EIF2AK3: variants seen among roughly 807,000 people sequenced by gnomAD.
EIF2AK3 encodes the protein eukaryotic translation initiation factor 2-alpha kinase 3.
A neutral mutation model predicts 113.5 loss-of-function variants in EIF2AK3; 50 were observed. The ratio of observed to expected loss-of-function variants is 0.44; its 90% confidence interval spans 0.35 to 0.56. The LOEUF is 0.56. Among genes scored for constraint, EIF2AK3 ranks in the 20% least tolerant of loss-of-function variants. The pLI, the probability that EIF2AK3 is intolerant of heterozygous loss-of-function variation, is 0.00. For synonymous variants in EIF2AK3, 448 were observed against 495.4 expected, an observed-to-expected ratio of 0.90 and a Z score of 1.27; for missense variants, 1,185 against 1,378.0, an observed-to-expected ratio of 0.86 and a Z score of 2.22.
rs1445926746 is a variant in EIF2AK3, at chr2:88,593,307, A to G, written c.732T>C (p.Thr244=). 1 of 1,614,106 alleles carries G rather than the reference A, an allele frequency of 6.2e-7. No homozygotes were observed. The highest frequency in any genetic ancestry group is 1.1e-5 in the South Asian group (1 of 91,080). The change falls in exon 4 of 17, where the codon ACT becomes ACC. Residue 244 remains threonine, a synonymous_variant. Coordinates refer to ENST00000303236, the MANE Select transcript of EIF2AK3 (RefSeq NM_004836.7). ...CACTGCGAGGTCCGACAGCTCTAACAGTTTTTTGGGTACGCTGTAGAAGCA... is the reference window on the plus strand; with the variant it reads ...CACTGCGAGGTCCGACAGCTCTAACGGTTTTTTGGGTACGCTGTAGAAGCA... ...DILLLQRTQK[T]VRAVGPRSGN...
intron 3 of EIF2AK3, among the ~76,000 whole-genome samples, chr2:88,594,830 T>TA (rs58582485): frequency 0.27 from 30,877 of 114,914 alleles, 4,248 homozygotes; most frequent in East Asian, 0.35. Context: ...TGTCAAAATG[T>TA]AAAAAAAAAA....
chr2:88,569,684 A>T (rs1174465351), intron 14 of EIF2AK3, among the ~76,000 whole-genome samples: 1 of 152,254 alleles, frequency 6.6e-6, no homozygotes, highest in African/African-American at 2.4e-5. Flanking sequence ...AAAAAGATCC[A>T]TTCAAAGTAC....
In EIF2AK3 at chr2:88,600,471, T is replaced by G. The variant is rs141857760; in HGVS notation, c.439-4808A>C. Among the ~76,000 whole-genome samples, 85 of 152,328 alleles carry G rather than the reference T, an allele frequency of 5.6e-4. 1 individual carries two copies. The highest frequency in any genetic ancestry group is 2.0e-3 in the African/African-American group (84 of 41,570). On this transcript the variant is annotated intron_variant, in intron 2 of 16. Transcript: ENST00000303236. ...TCGCTGCTCTGCATCTCAAACTTAT[T>G]GTGTGACTTGCTTCTCCCTTAAGTC...
At position 88,570,956 on chromosome 2, in the gene EIF2AK3, T is replaced by C; in HGVS notation, c.2903A>G (p.Glu968Gly). The change falls in exon 14 of 17, where the codon GAG (glutamate) becomes GGG (glycine). Residue 968 changes from glutamate to glycine, a missense_variant. This residue lies in a region of EIF2AK3 where 877 missense variants were observed against 1,024.2 expected (regional missense o/e 0.86). Transcript: ENST00000303236. ...TGGCATTGGGGTCAGAACCGTCTGC[T>C]CTTCCTCATCCTGGTCCATTGCAGT... Reference protein sequence around the residue: ...LVTAMDQDEEEQTVLTPMPAY... With the variant: ...LVTAMDQDEEGQTVLTPMPAY... The C allele has an allele frequency of 6.2e-7, 1 of 1,614,206 alleles. No homozygotes were observed. The highest frequency in any genetic ancestry group is 8.5e-7 in the Non-Finnish European group (1 of 1,180,028).
chr2:88,627,263 G>C lies in EIF2AK3; in HGVS notation c.12C>G (p.Ala4=). ...CCCGTACCAGCAGCCCCGGGCTGAT[G>C]GCGCGCTCCATCAGCGTCCCGCCCC... is the stretch of plus-strand genomic sequence containing the variant. MER[A]ISPGLLVRAL... is the part of the protein sequence containing the mutation. The change falls in exon 1 of 17, where the codon GCC becomes GCG. Residue 4 remains alanine (A), a synonymous_variant. Coordinates refer to ENST00000303236, the MANE Select transcript of EIF2AK3 (RefSeq NM_004836.7). 1 of 1,487,322 alleles carries C rather than the reference G, an allele frequency of 6.7e-7. No individual in the cohort carries two copies. The highest frequency in any genetic ancestry group is 8.9e-7 in the Non-Finnish European group (1 of 1,124,782). 92.1% of individuals were successfully genotyped at this position (1,487,322 alleles called of 1,614,324 possible).
At chr2:88,625,211 C>CTGTATATATA (rs1675828423) in intron 1 of EIF2AK3, among the ~76,000 whole-genome samples, 1 of 151,530 alleles carries the variant, frequency 6.6e-6, no homozygotes, top group Admixed American at 6.6e-5. Flanking sequence ...ACAGTCGGCT[C>CTGTATATATA]TAACCTATTT....
At chr2:88,586,173 A>G in intron 8 of EIF2AK3, 112 bp from the exon 9 acceptor site, 1 of 821,788 alleles carries the variant, frequency 1.2e-6, no homozygotes, top group Non-Finnish European at 2.0e-6. Flanking sequence ...ATTCCTTTTA[A>G]GTTTTGTCTC....
chr2:88,600,831 GA>G (rs1263930949), intron 2 of EIF2AK3, among the ~76,000 whole-genome samples: 3 of 152,062 alleles, frequency 2.0e-5, no homozygotes, highest in Admixed American at 1.3e-4. Context: ...CTAACCATAA[GA>G]AAAAATGTTT....
At position 88,618,443 on chromosome 2, in the gene EIF2AK3, G is replaced by A. The variant is rs79270952; in HGVS notation, c.309-4590C>T. Reference sequence around the variant, plus strand: ...TCTCATTCTCCTCATGGCTTCATTCGAGTTATTTTTTCATAGGCAAAATAT... The same window carrying A: ...TCTCATTCTCCTCATGGCTTCATTCAAGTTATTTTTTCATAGGCAAAATAT... On this transcript the variant is annotated intron_variant, in intron 1 of 16. Coordinates refer to ENST00000303236, the MANE Select transcript of EIF2AK3 (RefSeq NM_004836.7). Among the ~76,000 whole-genome samples the A allele has an allele frequency of 6.7e-3, 1,018 of 152,236 alleles. 4 individuals carry two copies. Among genetic ancestry groups the A allele is most frequent in the Non-Finnish European group, 0.01 (713 of 68,014 alleles).
At chr2:88,568,222 A>C (rs1674194238) in intron 14 of EIF2AK3, among the ~76,000 whole-genome samples, 1 of 152,212 alleles carries the variant, frequency 6.6e-6, no homozygotes, top group South Asian at 2.1e-4. Flanking sequence ...AAGATAGTCA[A>C]ATCCAGTGGT....
chr2:88,610,709 G>A (rs772171327), intron 2 of EIF2AK3, among the ~76,000 whole-genome samples: 17 of 152,050 alleles, frequency 1.1e-4, no homozygotes, highest in African/African-American at 3.4e-4. Context: ...AAAATGTTAC[G>A]TTATTGTGGA....
chr2:88,627,594 A>C, upstream of EIF2AK3: 1 of 311,658 alleles, frequency 3.2e-6, no homozygotes, highest in East Asian at 5.5e-5. Context: ...TCAACATCGC[A>C]CCTACCAATC....
rs567624628 is a variant in EIF2AK3 at position 88,563,081 on chromosome 2, A to T, written c.2986-691T>A. Among the ~76,000 whole-genome samples, 19 of 151,482 alleles carry T rather than the reference A, an allele frequency of 1.3e-4. No homozygotes were observed. The South Asian group carries it at 1.9e-3, about 15-fold the overall frequency. On this transcript the variant is annotated intron_variant, in intron 14 of 16. Coordinates refer to ENST00000303236, the MANE Select transcript of EIF2AK3 (RefSeq NM_004836.7). The stretch of plus-strand genomic sequence containing the variant: ...TAAAGAAAGCATTATTTAAATTAAA[A>T]TTGACCTTTTGGTGACTCAGAAGAA...
rs1438002291 is a variant in EIF2AK3 at position 88,574,775 on chromosome 2, C to A, written c.2708G>T (p.Arg903Leu). Residue 903 changes from arginine (R) to leucine (L), a missense_variant, in exon 13 of 17, where the codon CGA (arginine) becomes CTA (leucine). Physicochemically the swap from Arg to Leu is moderately radical, Grantham distance 102. Coordinates refer to ENST00000303236, the MANE Select transcript of EIF2AK3 (RefSeq NM_004836.7). ...KENLKDWMNG[R>L]CTIEERERSV... is the part of the protein sequence containing the mutation. ...CCTCTCTCTCTCCTCTATGGTACAT[C>A]GTCCATTCATCCAGTCTTTGAGGTT... 1 of 1,614,206 alleles carries A rather than the reference C, an allele frequency of 6.2e-7. No individual in the cohort carries two copies. The highest frequency in any genetic ancestry group is 8.5e-7 in the Non-Finnish European group (1 of 1,180,028).
At chr2:88,624,049 T>C (rs536916007) in intron 1 of EIF2AK3, among the ~76,000 whole-genome samples, 2 of 152,206 alleles carry the variant, frequency 1.3e-5, no homozygotes, top group South Asian at 2.1e-4. Flanking sequence ...TGGAGTGCAG[T>C]GTCACGATCT....
At chr2:88,627,637 T>A, upstream of EIF2AK3, 2 of 227,662 alleles carry the variant, frequency 8.8e-6, no homozygotes, top group Non-Finnish European at 1.7e-5. Context: ...GGCCCGTCCC[T>A]CTTCCGGACG....
intron 1 of EIF2AK3, among the ~76,000 whole-genome samples, chr2:88,624,041 G>A: frequency 6.6e-6 from 1 of 151,774 alleles, no homozygotes; most frequent in Admixed American, 6.6e-5. Context: ...GCCCAGGCTG[G>A]AGTGCAGTGT....
At chr2:88,561,416 C>T (rs1001935433) in intron 15 of EIF2AK3, among the ~76,000 whole-genome samples, 3 of 152,064 alleles carry the variant, frequency 2.0e-5, no homozygotes, top group Admixed American at 1.3e-4. Context: ...CACGTGCCAC[C>T]ATGCCCGGCT....
chr2:88,576,555 T>C lies in EIF2AK3; in HGVS notation c.2035A>G (p.Ser679Gly). 6.2e-7 allele frequency: 1 copy of C among 1,614,124 alleles called. No individual in the cohort carries two copies. The highest frequency in any genetic ancestry group is 8.5e-7 in the Non-Finnish European group (1 of 1,179,996). Reference sequence around the variant, plus strand: ...TGTATGTGTAACAAAGTTAGTTACCTTTCATCTTTCAGCCAAATTTCATCC... The same window carrying C: ...TGTATGTGTAACAAAGTTAGTTACCCTTCATCTTTCAGCCAAATTTCATCC... ...KMDEIWLKDESTDWPLSSPSP... is the reference protein window; with the variant it reads ...KMDEIWLKDEGTDWPLSSPSP... The change falls in exon 12 of 17, where the codon AGC (serine) becomes GGC (glycine). Residue 679 changes from serine to glycine, a missense_variant and splice_region_variant. By Grantham distance (56) the Ser-to-Gly change is moderately conservative (BLOSUM62 0). Transcript: ENST00000303236.
Sources: gnomAD v4.1 joint callset for allele counts (sites outside exome capture counted in the v4.1 genomes callset) on GRCh38, gnomAD v4.1.1 for gene constraint, gnomAD v4.1.1 regional missense constraint, MANE v1.5 for transcripts, NCBI Gene and HGNC (gene_info 2026-07-23, HGNC 2026-07-21) for gene names.